VARS1: variants seen among roughly 807,000 people sequenced by gnomAD.
The protein encoded by VARS1 is valyl-tRNA synthetase 1.
A neutral mutation model predicts 161.0 loss-of-function variants in VARS1; 92 were observed. The observed-to-expected ratio is 0.57, with a 90% CI of 0.48 to 0.68. The LOEUF is 0.68. Ranked by LOEUF, VARS1 falls within the 30% of genes least tolerant of loss-of-function variation. VARS1 has a pLI of 0.00. For synonymous variants in VARS1, 595 were observed against 682.5 expected, an observed-to-expected ratio of 0.87 and a Z score of 2.00; for missense variants, 1,338 against 1,695.9, an observed-to-expected ratio of 0.79 and a Z score of 3.71.
At position 31,791,124 on chromosome 6, in the gene VARS1, C is replaced by T. The variant is rs1276630895; in HGVS notation, c.1100+486G>A. ...CGAGATGGCGTCACTGCACTCCGGCCTGGGCAACAGAACAAGACTCTGTCC... is the reference window on the plus strand; with the variant it reads ...CGAGATGGCGTCACTGCACTCCGGCTTGGGCAACAGAACAAGACTCTGTCC... On this transcript the variant is annotated intron_variant, in intron 8 of 29. Transcript: ENST00000375663. The surrounding 1 kb of genome is among the most constrained non-coding windows in gnomAD (Gnocchi z 5.0). Among the ~76,000 whole-genome samples, 1 of 151,980 alleles carries T rather than the reference C, an allele frequency of 6.6e-6. No homozygotes were observed. The highest frequency in any genetic ancestry group is 2.4e-5 in the African/African-American group (1 of 41,346).
Position 31,782,629 on chromosome 6 carries a change from A to G in VARS1, c.1892T>C (p.Leu631Pro), listed in dbSNP as rs1347034287. 1 of 1,612,976 alleles carries G rather than the reference A, an allele frequency of 6.2e-7. No homozygotes were observed. The highest frequency in any genetic ancestry group is 8.5e-7 in the Non-Finnish European group (1 of 1,180,034). ...CGCTTTCCTGGCCTCAAACCTGGGCAGGCCCTGGGTAGGAATGAGGCCTCA... is the reference window on the plus strand; with the variant it reads ...CGCTTTCCTGGCCTCAAACCTGGGCGGGCCCTGGGTAGGAATGAGGCCTCA... Reference protein sequence around the residue: ...LINVPPPFLGLPRFEARKAVL... With the variant: ...LINVPPPFLGPPRFEARKAVL... The change falls in exon 16 of 30, where the codon CTG (leucine) becomes CCG (proline). Residue 631 changes from leucine (L) to proline (P), a missense_variant. Around this residue, in one of 3 missense-constraint regions of VARS1, gnomAD observed 902 missense variants for 1,090.3 expected, o/e 0.83. Transcript: ENST00000375663. This position sits in a 1 kb window ranked among gnomAD's most constrained non-coding sequence, Gnocchi z 8.3.
In VARS1 at chr6:31,777,882, C is replaced by T; in HGVS notation, c.3727-220G>A. ...TGCCTTTTTCCACCAAGTGGTGAGT[C>T]CCCAAGAACAAAGGAACCTCAGAGC... On this transcript the variant is annotated intron_variant, in intron 29 of 29. Coordinates refer to ENST00000375663, the MANE Select transcript of VARS1 (RefSeq NM_006295.3). This position sits in a 1 kb window ranked among gnomAD's most constrained non-coding sequence, Gnocchi z 5.8. 1.7e-6 allele frequency: 1 copy of T among 604,474 alleles called. No homozygotes were observed. The highest frequency in any genetic ancestry group is 2.0e-5 in the South Asian group (1 of 50,398). The allele number at this position is 604,474 out of a possible 1,614,324, so 37.4% of individuals were successfully genotyped here.
rs1264806925 is a variant in VARS1 at position 31,795,348 on chromosome 6, AC to A, written c.-33-99del. 16 of 853,820 alleles carry A rather than the reference AC, an allele frequency of 1.9e-5. No individual in the cohort carries two copies. The African/African-American group carries it at 2.2e-4, about 12-fold the overall frequency. The allele number at this position is 853,820 out of a possible 1,614,324, so 52.9% of individuals were successfully genotyped here. ...TCACGGGAGCTCCTTCGCCGCAGAC[AC>A]CCGAGTCCCATAGGACTGAGGGTCT... is the stretch of plus-strand genomic sequence containing the variant. On this transcript the variant is annotated intron_variant, in intron 1 of 29. Coordinates refer to ENST00000375663, the MANE Select transcript of VARS1 (RefSeq NM_006295.3). The surrounding 1 kb of genome is among the most constrained non-coding windows in gnomAD (Gnocchi z 6.9).
Position 31,780,815 on chromosome 6 carries a change from T to A in VARS1, c.2719-32A>T. On this transcript the variant is annotated intron_variant, in intron 23 of 29. Coordinates refer to ENST00000375663, the MANE Select transcript of VARS1 (RefSeq NM_006295.3). This position sits in a 1 kb window ranked among gnomAD's most constrained non-coding sequence, Gnocchi z 5.1. ...GGAAGAGGCAGGGGGAGGAGCGTCC[T>A]CAGCCAGCCCCATCCACGCTGTGCT... 2 of 1,614,186 alleles carry A rather than the reference T, an allele frequency of 1.2e-6. No homozygotes were observed. The highest frequency in any genetic ancestry group is 1.7e-6 in the Non-Finnish European group (2 of 1,180,012).
At chr6:31,794,254 G>A (rs1389311126) in intron 2 of VARS1, among the ~76,000 whole-genome samples, 1 of 152,150 alleles carries the variant, frequency 6.6e-6, no homozygotes, top group Non-Finnish European at 1.5e-5. Flanking sequence ...GAGCAAGTCA[G>A]GGTCTGCCAC....
chr6:31,780,317 C>G lies in VARS1; in HGVS notation c.2925+124G>C. On this transcript the variant is annotated intron_variant, in intron 25 of 29. Coordinates refer to ENST00000375663, the MANE Select transcript of VARS1 (RefSeq NM_006295.3). This position sits in a 1 kb window ranked among gnomAD's most constrained non-coding sequence, Gnocchi z 5.1. Reference sequence around the variant, plus strand: ...GTGACAGGCCCCAGCCCCCAATGCGCTGGGCTTTCCCTTTAACTGTCTGTC... The same window carrying G: ...GTGACAGGCCCCAGCCCCCAATGCGGTGGGCTTTCCCTTTAACTGTCTGTC... 6.5e-7 allele frequency: 1 copy of G among 1,527,816 alleles called. No homozygotes were observed. The highest frequency in any genetic ancestry group is 2.3e-5 in the East Asian group (1 of 43,358). The allele number at this position is 1,527,816 out of a possible 1,614,324, so 94.6% of individuals were successfully genotyped here.
chr6:31,794,946 C>T lies in VARS1; in HGVS notation c.272G>A (p.Arg91Gln). ...PAGLGGPGGS[R>Q]AAVLVQQWVS... is the part of the protein sequence containing the mutation. ...CCACTGTTGGACAAGGACAGCCGCCCGGCTGCCCCCTGGGCCCCCCAGGCC... is the reference window on the plus strand; with the variant it reads ...CCACTGTTGGACAAGGACAGCCGCCTGGCTGCCCCCTGGGCCCCCCAGGCC... The change falls in exon 2 of 30, where the codon CGG (arginine) becomes CAG (glutamine). Residue 91 changes from arginine to glutamine, a missense_variant. By Grantham distance (43) the Arg-to-Gln change is conservative. Coordinates refer to ENST00000375663, the MANE Select transcript of VARS1 (RefSeq NM_006295.3). The T allele has an allele frequency of 6.2e-7, 1 of 1,612,828 alleles. No homozygotes were observed. The highest frequency in any genetic ancestry group is 8.5e-7 in the Non-Finnish European group (1 of 1,179,946).
Position 31,784,679 on chromosome 6 carries a change from C to A in VARS1, c.1383G>T (p.Arg461=). 1 of 1,612,966 alleles carries A rather than the reference C, an allele frequency of 6.2e-7. No homozygotes were observed. Among genetic ancestry groups the A allele is most frequent in the Non-Finnish European group, 8.5e-7 (1 of 1,180,024 alleles). ...LSAAVTEAFV[R]LHEEGIIYRS... ...GATAGATGATGCCTTCCTCGTGAAGCCGGACAAAGGCCTCTGTCACAGCTG... is the reference window on the plus strand; with the variant it reads ...GATAGATGATGCCTTCCTCGTGAAGACGGACAAAGGCCTCTGTCACAGCTG... The change falls in exon 11 of 30, where the codon CGG becomes CGT. Residue 461 remains arginine, a synonymous_variant. Transcript: ENST00000375663. This position sits in a 1 kb window ranked among gnomAD's most constrained non-coding sequence, Gnocchi z 6.1.
In VARS1 at chr6:31,784,519, T is replaced by C. The variant is rs1813368580; in HGVS notation, c.1468-17A>G. ...CTTATCCACCTGTAAAATGGGTATT[T>C]AGAGGCGTGGCCCAGGGGCCAGGGC... On this transcript the variant is annotated splice_polypyrimidine_tract_variant and intron_variant, in intron 11 of 29. Transcript: ENST00000375663. This position sits in a 1 kb window ranked among gnomAD's most constrained non-coding sequence, Gnocchi z 6.1. The C allele has an allele frequency of 1.2e-6, 2 of 1,613,846 alleles. No homozygotes were observed. Among genetic ancestry groups the C allele is most frequent in the Non-Finnish European group, 1.7e-6 (2 of 1,180,016 alleles).
rs1420622227 is a variant in VARS1 at position 31,795,509 on chromosome 6, G to A, written c.-34+37C>T. 3 of 323,322 alleles carry A rather than the reference G, an allele frequency of 9.3e-6. No individual in the cohort carries two copies. The highest frequency in any genetic ancestry group is 1.1e-5 in the Non-Finnish European group (2 of 178,104). 20.0% of individuals were successfully genotyped at this position (323,322 alleles called of 1,614,324 possible). A position where few individuals can be genotyped will look rare whatever the true frequency, so the allele number is the denominator to read the frequency against. On this transcript the variant is annotated intron_variant, in intron 1 of 29. Coordinates refer to ENST00000375663, the MANE Select transcript of VARS1 (RefSeq NM_006295.3). The surrounding 1 kb of genome is among the most constrained non-coding windows in gnomAD (Gnocchi z 6.9). Reference sequence around the variant, plus strand: ...GGAAGGCTCTCAGGAGCGGGTCGGCGTCTGGTTGGATGCGGGTTCGAGCCG... The same window carrying A: ...GGAAGGCTCTCAGGAGCGGGTCGGCATCTGGTTGGATGCGGGTTCGAGCCG...
intron 13 of VARS1, 176 bp from the exon 14 acceptor site, chr6:31,783,362 T>C: frequency 1.6e-6 from 1 of 627,540 alleles, no homozygotes; most frequent in Non-Finnish European, 2.7e-6. Context: ...AAAAAAAAAT[T>C]AGCCAGGTGT....
At position 31,779,789 on chromosome 6, in the gene VARS1, C is replaced by T. The variant is rs753884532; in HGVS notation, c.3107G>A (p.Gly1036Glu). ...ACACTCAGCTGCCACCTGGTCCACC[C>T]CATTCAGTACAGGTTTCAGGCACTC... Reference protein sequence around the residue: ...YLECLKPVLNGVDQVAAECAR... With the variant: ...YLECLKPVLNEVDQVAAECAR... The change falls in exon 27 of 30, where the codon GGG (glycine) becomes GAG (glutamate). Residue 1036 changes from glycine to glutamate, a missense_variant. Transcript: ENST00000375663. This position sits in a 1 kb window ranked among gnomAD's most constrained non-coding sequence, Gnocchi z 9.1. The T allele has an allele frequency of 6.2e-7, 1 of 1,612,994 alleles. No individual in the cohort carries two copies. Among genetic ancestry groups the T allele is most frequent in the East Asian group, 2.2e-5 (1 of 44,864 alleles).
chr6:31,780,227 G>A lies in VARS1; in HGVS notation c.2926-74C>T. On this transcript the variant is annotated intron_variant, in intron 25 of 29. Coordinates refer to ENST00000375663, the MANE Select transcript of VARS1 (RefSeq NM_006295.3). The surrounding 1 kb of genome is among the most constrained non-coding windows in gnomAD (Gnocchi z 5.1). ...AACCCCATGGGGGCAGGAGTCATGG[G>A]CAAATCTTCATCCAGAGTCTGATGA... is the stretch of plus-strand genomic sequence containing the variant. 1 of 1,587,380 alleles carries A rather than the reference G, an allele frequency of 6.3e-7. No homozygotes were observed. The highest frequency in any genetic ancestry group is 8.6e-7 in the Non-Finnish European group (1 of 1,168,660).
In VARS1 at chr6:31,778,869, T is replaced by A; in HGVS notation, c.3726+98A>T. The A allele has an allele frequency of 2.0e-6, 3 of 1,479,888 alleles. No individual in the cohort carries two copies. The South Asian group carries it at 3.6e-5, about 18-fold the overall frequency. 91.7% of individuals were successfully genotyped at this position (1,479,888 alleles called of 1,614,324 possible). A position where few individuals can be genotyped will look rare whatever the true frequency, so the allele number is the denominator to read the frequency against. On this transcript the variant is annotated intron_variant, in intron 29 of 29. Coordinates refer to ENST00000375663, the MANE Select transcript of VARS1 (RefSeq NM_006295.3). The surrounding 1 kb of genome is among the most constrained non-coding windows in gnomAD (Gnocchi z 5.1). Reference sequence around the variant, plus strand: ...CAAAGAAATCTGTAACTGGTTACGATCAATTAGTTGTCAACACCACTGCAC... The same window carrying A: ...CAAAGAAATCTGTAACTGGTTACGAACAATTAGTTGTCAACACCACTGCAC...
Position 31,778,703 on chromosome 6 carries a change from G to T in VARS1, c.3726+264C>A. On this transcript the variant is annotated intron_variant, in intron 29 of 29. Transcript: ENST00000375663. This position sits in a 1 kb window ranked among gnomAD's most constrained non-coding sequence, Gnocchi z 5.1. ...TTTTGTATTTTTGTTGTAGAGATGG[G>T]ATTTCACCATGTTGGCTGGTCTCAA... 1 of 557,608 alleles carries T rather than the reference G, an allele frequency of 1.8e-6. No homozygotes were observed. The allele number at this position is 557,608 out of a possible 1,614,324, so 34.5% of individuals were successfully genotyped here.
Position 31,781,144 on chromosome 6 carries a change from C to G in VARS1, c.2545-21G>C. 6.2e-7 allele frequency: 1 copy of G among 1,611,306 alleles called. No homozygotes were observed. Among genetic ancestry groups the G allele is most frequent in the Non-Finnish European group, 8.5e-7 (1 of 1,179,310 alleles). On this transcript the variant is annotated intron_variant, in intron 21 of 29. Coordinates refer to ENST00000375663, the MANE Select transcript of VARS1 (RefSeq NM_006295.3). The surrounding 1 kb of genome is among the most constrained non-coding windows in gnomAD (Gnocchi z 6.8). ...TAGACCTGCAGAGCAGGTGGGGAGG[C>G]CCATGAGACTCAGTCCTCTCCTTCC...
chr6:31,782,214 G>C lies in VARS1; in HGVS notation c.2151-37C>G. 1 of 1,611,918 alleles carries C rather than the reference G, an allele frequency of 6.2e-7. No individual in the cohort carries two copies. Among genetic ancestry groups the C allele is most frequent in the Non-Finnish European group, 8.5e-7 (1 of 1,178,952 alleles). ...GGGGAGGAGAAATCAGGGAGGGCCTGATGGAGCCTGGCCCGAGTGAGCCCT... is the reference window on the plus strand; with the variant it reads ...GGGGAGGAGAAATCAGGGAGGGCCTCATGGAGCCTGGCCCGAGTGAGCCCT... On this transcript the variant is annotated intron_variant, in intron 17 of 29. Transcript: ENST00000375663. This position sits in a 1 kb window ranked among gnomAD's most constrained non-coding sequence, Gnocchi z 8.3.
In VARS1 at chr6:31,792,232, G is replaced by A. The variant is rs1442591506; in HGVS notation, c.856C>T (p.Pro286Ser). 12 of 1,613,940 alleles carry A rather than the reference G, an allele frequency of 7.4e-6. No individual in the cohort carries two copies. Among genetic ancestry groups the A allele is most frequent in the Non-Finnish European group, 1.0e-5 (12 of 1,180,018 alleles). ...CTCCTAGTACCTTTCTTTTCCCCGG[G>A]TGGGGTTGGGAGGTCATAGGTAATG... ...GVITYDLPTPPGEKKDVSGPM... is the reference protein window; with the variant it reads ...GVITYDLPTPSGEKKDVSGPM... The change falls in exon 6 of 30, where the codon CCC becomes TCC. Residue 286 changes from proline (P) to serine (S), a missense_variant. By Grantham distance (74) the Pro-to-Ser change is moderately conservative. This residue lies in a region of VARS1 where 902 missense variants were observed against 1,090.3 expected (regional missense o/e 0.83). Transcript: ENST00000375663.
In VARS1 at chr6:31,782,331, G is replaced by T; in HGVS notation, c.2104C>A (p.Pro702Thr). The T allele has an allele frequency of 6.2e-7, 1 of 1,612,942 alleles. No individual in the cohort carries two copies. Among genetic ancestry groups the T allele is most frequent in the Non-Finnish European group, 8.5e-7 (1 of 1,179,986 alleles). The part of the protein sequence containing the change: ...AVTRGDLRIL[P>T]EAHQRTWHAW... ...TGCCATGTGCGCTGATGGGCCTCAGGCAGGATGCGGAGGTCACCCCGAGTC... is the reference window on the plus strand; with the variant it reads ...TGCCATGTGCGCTGATGGGCCTCAGTCAGGATGCGGAGGTCACCCCGAGTC... The change falls in exon 17 of 30, where the codon CCT becomes ACT. Residue 702 changes from proline (P) to threonine (T), a missense_variant. Coordinates refer to ENST00000375663, the MANE Select transcript of VARS1 (RefSeq NM_006295.3). This position sits in a 1 kb window ranked among gnomAD's most constrained non-coding sequence, Gnocchi z 8.3.
Sources: gnomAD v4.1 joint callset for allele counts (sites outside exome capture counted in the v4.1 genomes callset) on GRCh38, gnomAD v4.1.1 for gene constraint, gnomAD v4.1.1 regional missense constraint, Gnocchi (gnomAD v3.1) non-coding constraint, MANE v1.5 for transcripts, NCBI Gene and HGNC (gene_info 2026-07-23, HGNC 2026-07-21) for gene names.